Variants in AGTRAP observed in about 807,000 individuals in gnomAD.
AGTRAP encodes the protein angiotensin II receptor associated protein, also known as type-1 angiotensin II receptor-associated protein.
A neutral mutation model predicts 15.2 loss-of-function variants in AGTRAP; 7 were observed. The observed-to-expected ratio is 0.46, with a 90% CI of 0.26 to 0.87. AGTRAP has a LOEUF of 0.87. AGTRAP is among the 40% of genes least tolerant of loss of function. AGTRAP has a pLI of 0.15. For missense variants in AGTRAP, 187 were observed against 213.4 expected (o/e 0.88, Z 0.77); for synonymous variants, 74 against 89.6 (o/e 0.83, Z 0.98).
intron 1 of AGTRAP, among the ~76,000 whole-genome samples, chr1:11,742,097 C>A (rs539448472): frequency 1.1e-4 from 17 of 152,370 alleles, no homozygotes; most frequent in African/African-American, 3.8e-4. Flanking sequence ...CAAGCCCAAA[C>A]AGTTCCCAGC....
Position 11,745,944 on chromosome 1 carries a change from G to C in AGTRAP, c.62+107G>C. ...GTTTTAACCAGGTCACTTTGGGCCA[G>C]ACAGCTCTGCCTCTCCGGGTCTTGA... is the stretch of plus-strand genomic sequence containing the variant. On this transcript the variant is annotated intron_variant, in intron 2 of 4. Transcript: ENST00000314340. The surrounding 1 kb of genome is among the most constrained non-coding windows in gnomAD (Gnocchi z 4.2). 6.8e-7 allele frequency: 1 copy of C among 1,468,658 alleles called. No homozygotes were observed. Among genetic ancestry groups the C allele is most frequent in the Non-Finnish European group, 9.5e-7 (1 of 1,048,738 alleles). 91.0% of individuals were successfully genotyped at this position (1,468,658 alleles called of 1,614,324 possible).
intron 1 of AGTRAP, 77 bp downstream of exon 1, chr1:11,736,312 A>G: frequency 6.4e-7 from 1 of 1,562,360 alleles, no homozygotes; most frequent in Non-Finnish European, 8.7e-7. Flanking sequence ...GGTGGGAGGA[A>G]GGACCGGAGT....
chr1:11,745,258 C>T lies in AGTRAP; in HGVS notation c.28-545C>T, dbSNP rs1283976313. ...AATATAGGGTAACTTTCTGACGTTG[C>T]CATGGCATTTGTAAACTGTCATAGT... On this transcript the variant is annotated intron_variant, in intron 1 of 4. Coordinates refer to ENST00000314340, the MANE Select transcript of AGTRAP (RefSeq NM_020350.5). This position sits in a 1 kb window ranked among gnomAD's most constrained non-coding sequence, Gnocchi z 4.2. Among the ~76,000 whole-genome samples the T allele has an allele frequency of 6.6e-6, 1 of 152,194 alleles. No individual in the cohort carries two copies. The highest frequency in any genetic ancestry group is 2.4e-5 in the African/African-American group (1 of 41,438).
chr1:11,749,214 C>G (rs549360584), intron 4 of AGTRAP, among the ~76,000 whole-genome samples: 1 of 152,352 alleles, frequency 6.6e-6, no homozygotes, highest in East Asian at 1.9e-4. Flanking sequence ...TCCTGGTGGC[C>G]GAGCCATTTG....
At chr1:11,746,895 G>A (rs920024852) in intron 2 of AGTRAP, among the ~76,000 whole-genome samples, 4 of 152,182 alleles carry the variant, frequency 2.6e-5, no homozygotes, top group African/African-American at 9.7e-5. Context: ...GGAAAGTGAC[G>A]AACTTGTACT....
In AGTRAP at chr1:11,750,273, T is replaced by C. The variant is rs1184611526; in HGVS notation, c.*81T>C. 1 of 1,180,528 alleles carries C rather than the reference T, an allele frequency of 8.5e-7. No individual in the cohort carries two copies. The highest frequency in any genetic ancestry group is 1.2e-6 in the Non-Finnish European group (1 of 814,884). 73.1% of individuals were successfully genotyped at this position (1,180,528 alleles called of 1,614,324 possible). A position where few individuals can be genotyped will look rare whatever the true frequency, so the allele number is the denominator to read the frequency against. Reference sequence around the variant, plus strand: ...GTTCTAGGGATGCTCCTGACCTCCGTCTCTTGGACCTAAGATGGAATGTGT... The same window carrying C: ...GTTCTAGGGATGCTCCTGACCTCCGCCTCTTGGACCTAAGATGGAATGTGT... On this transcript the variant is annotated 3_prime_UTR_variant, in exon 5 of 5. Transcript: ENST00000314340.
intron 1 of AGTRAP, among the ~76,000 whole-genome samples, chr1:11,739,298 C>G (rs896665984): frequency 2.0e-5 from 3 of 152,146 alleles, no homozygotes; most frequent in Admixed American, 6.5e-5. Flanking sequence ...CACCTGTAAT[C>G]CTAGCACTTT....
intron 2 of AGTRAP, among the ~76,000 whole-genome samples, chr1:11,747,149 C>T (rs1486326428): frequency 6.6e-6 from 1 of 152,202 alleles, no homozygotes; most frequent in Non-Finnish European, 1.5e-5. Flanking sequence ...GTGACAGCAT[C>T]TGACTACGTT....
In AGTRAP at chr1:11,750,553, G is replaced by A. The variant is rs1198858428; in HGVS notation, c.*361G>A. The A allele has an allele frequency of 5.8e-6, 3 of 517,072 alleles. No individual in the cohort carries two copies. Among genetic ancestry groups the A allele is most frequent in the African/African-American group, 3.8e-5 (2 of 52,464 alleles). 32.0% of individuals were successfully genotyped at this position (517,072 alleles called of 1,614,324 possible). ...TGATGCCCCCTCAGGCCTCCCCCAA[G>A]TTTGCTGGGCTTTGGTGGAAGCCCT... On this transcript the variant is annotated 3_prime_UTR_variant, in exon 5 of 5. Coordinates refer to ENST00000314340, the MANE Select transcript of AGTRAP (RefSeq NM_020350.5).
At chr1:11,744,894 G>T (rs1335903305) in intron 1 of AGTRAP, among the ~76,000 whole-genome samples, 4 of 151,988 alleles carry the variant, frequency 2.6e-5, no homozygotes, top group African/African-American at 9.7e-5. Context: ...TTCTCTCGTC[G>T]CCCAGGCTGG....
intron 1 of AGTRAP, among the ~76,000 whole-genome samples, chr1:11,737,769 G>C (rs11121814): frequency 1.3e-5 from 2 of 152,220 alleles, no homozygotes; most frequent in Admixed American, 1.3e-4. Context: ...GGCCTGACAG[G>C]CTAAGAGCAT....
intron 2 of AGTRAP, chr1:11,746,082 C>T: frequency 6.3e-7 from 1 of 1,588,770 alleles, no homozygotes; most frequent in Non-Finnish European, 8.6e-7. Context: ...GGCCTCAGCA[C>T]TGCAGCTTGA....
chr1:11,740,850 GTGATGGGAGCTACCT>G (rs1276674517), intron 1 of AGTRAP, among the ~76,000 whole-genome samples: 1 of 152,166 alleles, frequency 6.6e-6, no homozygotes, highest in African/African-American at 2.4e-5. Context: ...GAGGAAAGGG[GTGATGGGAGCTACCT>G]TCCCTCTGTC....
intron 1 of AGTRAP, among the ~76,000 whole-genome samples, chr1:11,739,531 G>A (rs1373264871): frequency 6.6e-6 from 1 of 152,108 alleles, no homozygotes; most frequent in Admixed American, 6.6e-5. Context: ...CAGCCTGGGC[G>A]ACAGAGCAAG....
At chr1:11,746,091 G>T in intron 2 of AGTRAP, 1 of 1,601,356 alleles carries the variant, frequency 6.2e-7, no homozygotes, top group South Asian at 1.1e-5. Context: ...ACTGCAGCTT[G>T]ATTTTCACCT....
In AGTRAP at chr1:11,748,567, C is replaced by T. The variant is rs1642231892; in HGVS notation, c.321C>T (p.Tyr107=). ...AGCCGCTCTCCTGCTGCTTCGTCTA[C>T]CACATGTACCGGGAGCGCGGGGGTG... ...LLKPLSCCFV[Y]HMYRERGGEL... The change falls in exon 4 of 5, where the codon TAC becomes TAT. Residue 107 remains tyrosine (Y), a synonymous_variant. Coordinates refer to ENST00000314340, the MANE Select transcript of AGTRAP (RefSeq NM_020350.5). 1 of 1,611,456 alleles carries T rather than the reference C, an allele frequency of 6.2e-7. No individual in the cohort carries two copies. The highest frequency in any genetic ancestry group is 1.1e-5 in the South Asian group (1 of 91,088).
chr1:11,748,281 T>G (rs1442032997), intron 3 of AGTRAP, 134 bp from the exon 4 acceptor site: 1 of 1,027,550 alleles, frequency 9.7e-7, no homozygotes, highest in African/African-American at 1.6e-5. Context: ...GGGCCCTGCC[T>G]GCTTGCTTGA....
chr1:11,744,418 C>A, intron 1 of AGTRAP: 1 of 593,160 alleles, frequency 1.7e-6, no homozygotes, highest in Admixed American at 2.8e-5. Flanking sequence ...TTGCACTTGG[C>A]ATGAAGCCCA....
At chr1:11,749,671 G>A (rs560580381) in intron 4 of AGTRAP, among the ~76,000 whole-genome samples, 5 of 152,268 alleles carry the variant, frequency 3.3e-5, no homozygotes, top group South Asian at 4.1e-4. Context: ...GCGTGGGCCC[G>A]GGGCTGATGT....
Sources: gnomAD v4.1 joint callset for allele counts (sites outside exome capture counted in the v4.1 genomes callset) on GRCh38, gnomAD v4.1.1 for gene constraint, Gnocchi (gnomAD v3.1) non-coding constraint, MANE v1.5 for transcripts, NCBI Gene and HGNC (gene_info 2026-07-23, HGNC 2026-07-21) for gene names.